The following RALGPS1 variants were observed in gnomAD, a reference collection of about 807,000 sequenced individuals.
RALGPS1 encodes ras-specific guanine nucleotide-releasing factor RalGPS1.
In RALGPS1, 19 loss-of-function variants were observed where a neutral mutation model predicts 78.8. The ratio of observed to expected loss-of-function variants is 0.24; its 90% CI spans 0.17 to 0.35. The LOEUF is 0.35. RALGPS1 is among the 10% of genes least tolerant of loss of function. RALGPS1 has a pLI of 1.00. For synonymous variants in RALGPS1, 228 were observed against 256.3 expected, an observed-to-expected ratio of 0.89 and a Z score of 1.06; for missense variants, 454 against 688.3, an observed-to-expected ratio of 0.66 and a Z score of 3.81.
At chr9:127,146,799 T>G (rs2138890489) in intron 8 of RALGPS1, among the ~76,000 whole-genome samples, 1 of 152,270 alleles carries the variant, frequency 6.6e-6, no homozygotes, top group Admixed American at 6.5e-5. Flanking sequence ...CTGCCTCAGC[T>G]TCTCAAAGTG....
intron 8 of RALGPS1, among the ~76,000 whole-genome samples, chr9:127,113,034 T>A (rs1589552557): frequency 1.3e-5 from 2 of 152,352 alleles, no homozygotes; most frequent in South Asian, 4.1e-4. Context: ...ACTACATTGA[T>A]TCTGAGTCCT....
chr9:127,065,407 C>T (rs952474983), intron 7 of RALGPS1, among the ~76,000 whole-genome samples: 1 of 152,002 alleles, frequency 6.6e-6, no homozygotes, highest in Admixed American at 6.6e-5. Context: ...CCACTGTGCC[C>T]GGCCTTAAAA....
chr9:127,023,900 G>A (rs2045709347), intron 4 of RALGPS1, among the ~76,000 whole-genome samples: 1 of 152,058 alleles, frequency 6.6e-6, no homozygotes, highest in Non-Finnish European at 1.5e-5. Flanking sequence ...AGCCAGGCAT[G>A]GTGGCGGGCT....
chr9:127,023,124 C>T (rs531325240), intron 4 of RALGPS1, among the ~76,000 whole-genome samples: 44 of 152,272 alleles, frequency 2.9e-4, no homozygotes, highest in Non-Finnish European at 5.4e-4. Context: ...ATCATCATCA[C>T]CACCACCACC....
chr9:126,923,284 A>G (rs967876880), intron 1 of RALGPS1, among the ~76,000 whole-genome samples: 1 of 152,150 alleles, frequency 6.6e-6, no homozygotes, highest in African/African-American at 2.4e-5. Context: ...ATAGAAGACA[A>G]TGGAAGCTTA....
In RALGPS1 at chr9:127,218,388, G is replaced by A. The variant is rs536518041; in HGVS notation, c.1645-352G>A. On this transcript the variant is annotated intron_variant, in intron 18 of 18. Coordinates refer to ENST00000259351, the MANE Select transcript of RALGPS1 (RefSeq NM_014636.3). This position sits in a 1 kb window ranked among gnomAD's most constrained non-coding sequence, Gnocchi z 4.4. ...GCGCAGTTTGATTTTCACTGAAGGA[G>A]ATAGGTTAAGAGCATGGGCTCTGGG... Among the ~76,000 whole-genome samples the A allele has an allele frequency of 2.0e-5, 3 of 152,214 alleles. No individual in the cohort carries two copies. The highest frequency in any genetic ancestry group is 7.2e-5 in the African/African-American group (3 of 41,444).
chr9:127,099,840 AAAAGGTCCAAATGC>A (rs1470742329), intron 8 of RALGPS1, among the ~76,000 whole-genome samples: 1 of 152,254 alleles, frequency 6.6e-6, no homozygotes, highest in Non-Finnish European at 1.5e-5. Flanking sequence ...CATTCCAGGG[AAAAGGTCCAAATGC>A]TTGTGCCTGC....
chr9:126,949,874 A>G (rs549512171), intron 1 of RALGPS1, among the ~76,000 whole-genome samples: 106 of 152,288 alleles, frequency 7.0e-4, no homozygotes, highest in African/African-American at 2.5e-3. Flanking sequence ...TGTTTTAGAC[A>G]TGAAGTCCTT....
At chr9:126,942,293 T>G (rs924485611) in intron 1 of RALGPS1, among the ~76,000 whole-genome samples, 6 of 152,152 alleles carry the variant, frequency 3.9e-5, no homozygotes, top group Non-Finnish European at 5.9e-5. Context: ...AGGACTTTTT[T>G]TTTTTACCTC....
intron 4 of RALGPS1, among the ~76,000 whole-genome samples, chr9:127,028,173 C>G (rs1175251045): frequency 1.3e-5 from 2 of 152,244 alleles, no homozygotes; most frequent in South Asian, 4.1e-4. Flanking sequence ...GGCCCTAACT[C>G]AGGTGTGGTG....
chr9:127,100,811 G>A (rs1371926935), intron 8 of RALGPS1, among the ~76,000 whole-genome samples: 2 of 152,172 alleles, frequency 1.3e-5, no homozygotes, highest in African/African-American at 4.8e-5. Flanking sequence ...TCCAAGGAAG[G>A]GATCAGCTTC....
At chr9:127,201,145 G>A (rs576219054) in intron 14 of RALGPS1, among the ~76,000 whole-genome samples, 7 of 152,218 alleles carry the variant, frequency 4.6e-5, no homozygotes, top group African/African-American at 9.6e-5. Context: ...ATCACTGTAG[G>A]CCACAGCATT....
rs756232833 is a variant in RALGPS1 at position 127,211,444 on chromosome 9, T to C, written c.1248-687T>C. On this transcript the variant is annotated intron_variant, in intron 14 of 18. Transcript: ENST00000259351. This position sits in a 1 kb window ranked among gnomAD's most constrained non-coding sequence, Gnocchi z 5.0. ...CCTGATCCCCAGTGCATCCTTGGGATTGATTAGGTTGCAGGGGCATCCGAG... is the reference window on the plus strand; with the variant it reads ...CCTGATCCCCAGTGCATCCTTGGGACTGATTAGGTTGCAGGGGCATCCGAG... 8.6e-5 allele frequency among the ~76,000 whole-genome samples: 13 copies of C among 152,012 alleles called. No homozygotes were observed. The highest frequency in any genetic ancestry group is 8.8e-5 in the Non-Finnish European group (6 of 67,978).
In RALGPS1 at chr9:127,212,728, CT is replaced by C; in HGVS notation, c.1446+11del. ...GCACAGACAGAAAACACGTAAGTCC[CT>C]TGAAAGGACTCTAGTGCTGGGACTT... On this transcript the variant is annotated intron_variant, in intron 16 of 18. Transcript: ENST00000259351. This position sits in a 1 kb window ranked among gnomAD's most constrained non-coding sequence, Gnocchi z 6.0. 6.3e-7 allele frequency: 1 copy of C among 1,598,350 alleles called. No individual in the cohort carries two copies. Among genetic ancestry groups the C allele is most frequent in the Non-Finnish European group, 8.6e-7 (1 of 1,166,402 alleles).
intron 8 of RALGPS1, among the ~76,000 whole-genome samples, chr9:127,110,001 T>C (rs774234599): frequency 7.2e-5 from 11 of 152,204 alleles, no homozygotes; most frequent in Non-Finnish European, 1.6e-4. Context: ...AACATCAGGA[T>C]GGTTTTCCTA....
intron 8 of RALGPS1, among the ~76,000 whole-genome samples, chr9:127,148,998 C>T (rs974268747): frequency 4.6e-5 from 7 of 152,190 alleles, no homozygotes; most frequent in Non-Finnish European, 1.0e-4. Flanking sequence ...ACCTCATATA[C>T]ACCTCATTCT....
At position 127,035,689 on chromosome 9, in the gene RALGPS1, A is replaced by T. The variant is rs928144556; in HGVS notation, c.300+1175A>T. On this transcript the variant is annotated intron_variant, in intron 5 of 18. Transcript: ENST00000259351. The stretch of plus-strand genomic sequence containing the variant: ...GACCTTCCACCCCAAGTCCAGCGGG[A>T]TCCTCAGAAAGGCACCAGCTTGTAG... Among the ~76,000 whole-genome samples, 3 of 152,192 alleles carry T rather than the reference A, an allele frequency of 2.0e-5. No homozygotes were observed. In the East Asian group the frequency reaches 5.8e-4, roughly 29 times the overall value.
At chr9:127,047,824 T>C (rs7873536) in intron 5 of RALGPS1, among the ~76,000 whole-genome samples, 3,611 of 152,310 alleles carry the variant, frequency 0.024, 132 homozygotes, top group African/African-American at 0.083. Context: ...TTTGTACTTA[T>C]CTCTTATTCC....
intron 4 of RALGPS1, chr9:126,990,322 G>C (rs779499686): frequency 5.4e-5 from 14 of 259,526 alleles, no homozygotes; most frequent in Non-Finnish European, 9.5e-5. Flanking sequence ...GCCTTTTCAT[G>C]TCTCCTCACA....
Sources: allele counts gnomAD v4.1 joint callset (sites outside exome capture counted in the v4.1 genomes callset), GRCh38; gene constraint gnomAD v4.1.1; non-coding constraint Gnocchi (gnomAD v3.1); transcripts MANE v1.5; gene names NCBI Gene and HGNC (gene_info 2026-07-23, HGNC 2026-07-21).